The following ZNF620 variants were observed in gnomAD, a reference collection of about 807,000 sequenced individuals.
The protein encoded by ZNF620 is zinc finger protein 620.
A neutral mutation model predicts 13.3 loss-of-function variants in ZNF620; 10 were observed. That is an observed-to-expected ratio of 0.75 (90% CI 0.46 to 1.28). ZNF620 has a LOEUF of 1.28. ZNF620 is among the 50% of genes most tolerant of loss of function. ZNF620 has a pLI of 0.00. For synonymous variants in ZNF620, 166 were observed against 177.6 expected, an observed-to-expected ratio of 0.93 and a Z score of 0.52; for missense variants, 461 against 500.2, an observed-to-expected ratio of 0.92 and a Z score of 0.75.
intron 3 of ZNF620, 77 bp from the exon 4 acceptor site, chr3:40,512,325 T>TA: frequency 8.1e-7 from 1 of 1,241,048 alleles, no homozygotes; most frequent in Non-Finnish European, 1.2e-6. Flanking sequence ...GCTCAGCAGA[T>TA]AAAGATAAAG....
chr3:40,516,068 C>A lies in ZNF620; in HGVS notation c.474C>A (p.His158Gln). The change falls in exon 5 of 5, where the codon CAC (histidine) becomes CAA (glutamine). Residue 158 changes from histidine (H) to glutamine (Q), a missense_variant. His to Gln is a conservative substitution (Grantham distance 24, BLOSUM62 0). Transcript: ENST00000314529. ...RRHFTDTSARHHEAYEVKNGE... is the reference protein window; with the variant it reads ...RRHFTDTSARQHEAYEVKNGE... The stretch of plus-strand genomic sequence containing the variant: ...ATTTCACAGATACCTCAGCCAGGCA[C>A]CATGAGGCCTATGAGGTCAAGAATG... 1 of 1,614,028 alleles carries A rather than the reference C, an allele frequency of 6.2e-7. No homozygotes were observed. Among genetic ancestry groups the A allele is most frequent in the Non-Finnish European group, 8.5e-7 (1 of 1,179,996 alleles).
At chr3:40,507,584 G>T (rs1482858128) in intron 2 of ZNF620, among the ~76,000 whole-genome samples, 1 of 151,906 alleles carries the variant, frequency 6.6e-6, no homozygotes, top group East Asian at 1.9e-4. Flanking sequence ...TTCTTTTCTT[G>T]TGATGTCTTT....
chr3:40,508,877 C>A, intron 2 of ZNF620: 1 of 444,460 alleles, frequency 2.2e-6, no homozygotes, highest in South Asian at 1.6e-5. Context: ...CTCCACCTCC[C>A]AAAGTGCTGG....
intron 4 of ZNF620, among the ~76,000 whole-genome samples, chr3:40,513,603 C>G (rs1360889895): frequency 1.3e-5 from 2 of 151,530 alleles, no homozygotes. Flanking sequence ...CATACCATTG[C>G]ACTCCAGCCT....
In ZNF620 at chr3:40,517,564, GA is replaced by G; in HGVS notation, c.*705del. 6.6e-6 allele frequency: 1 copy of G among 152,206 alleles called. No homozygotes were observed. 9.4% of individuals were successfully genotyped at this position (152,206 alleles called of 1,614,324 possible). On this transcript the variant is annotated 3_prime_UTR_variant, in exon 5 of 5. Coordinates refer to ENST00000314529, the MANE Select transcript of ZNF620 (RefSeq NM_175888.4). ...CTTTGTCTCAAAAACAGTAAAAAAT[GA>G]AAATGGCATTAGATTTTTCAAGAGC...
intron 4 of ZNF620, among the ~76,000 whole-genome samples, chr3:40,513,168 T>G (rs970821376): frequency 6.6e-6 from 1 of 151,486 alleles, no homozygotes; most frequent in Admixed American, 6.6e-5. Flanking sequence ...GCTATTGATA[T>G]AAGAATTAAA....
chr3:40,508,772 C>T (rs1231700094), intron 2 of ZNF620: 1 of 456,498 alleles, frequency 2.2e-6, no homozygotes, highest in South Asian at 1.5e-5. Flanking sequence ...GTTGAGACTA[C>T]AGGTACAGAC....
chr3:40,506,457 G>C (rs1698022320), intron 2 of ZNF620, 81 bp downstream of exon 2: 1 of 1,430,000 alleles, frequency 7.0e-7, no homozygotes, highest in African/African-American at 1.4e-5. Flanking sequence ...CAGATCTTGA[G>C]TTGTGTAGGC....
At chr3:40,513,316 A>AAAAAATAT (rs1193351404) in intron 4 of ZNF620, among the ~76,000 whole-genome samples, 9 of 62,670 alleles carry the variant, frequency 1.4e-4, no homozygotes, top group African/African-American at 3.4e-4. Flanking sequence ...AAAAAAAAAA[A>AAAAAATAT]ATATATATAT....
At chr3:40,513,402 C>G (rs1466670879) in intron 4 of ZNF620, among the ~76,000 whole-genome samples, 1 of 141,382 alleles carries the variant, frequency 7.1e-6, no homozygotes, top group Non-Finnish European at 1.5e-5. Context: ...TTTGGGAGAC[C>G]GAGGTGGGTG....
At chr3:40,507,378 C>T (rs1344445122) in intron 2 of ZNF620, among the ~76,000 whole-genome samples, 1 of 152,180 alleles carries the variant, frequency 6.6e-6, no homozygotes, top group Non-Finnish European at 1.5e-5. Flanking sequence ...GCGTGAGCCA[C>T]CGTGCCCAGC....
Position 40,516,754 on chromosome 3 carries a change from C to T in ZNF620, c.1160C>T (p.Thr387Ile), listed in dbSNP as rs1213680534. 1 of 1,614,124 alleles carries T rather than the reference C, an allele frequency of 6.2e-7. No homozygotes were observed. Among genetic ancestry groups the T allele is most frequent in the Non-Finnish European group, 8.5e-7 (1 of 1,180,056 alleles). ...ITLIQHQRVHTGEKPYECKVC... is the reference protein window; with the variant it reads ...ITLIQHQRVHIGEKPYECKVC... ...CTGATTCAGCACCAGCGAGTTCACA[C>T]TGGCGAGAAACCTTATGAGTGTAAA... Residue 387 changes from threonine to isoleucine, a missense_variant, in exon 5 of 5, where the codon ACT (threonine) becomes ATT (isoleucine). Thr to Ile is a moderately conservative substitution (Grantham distance 89). Coordinates refer to ENST00000314529, the MANE Select transcript of ZNF620 (RefSeq NM_175888.4).
Position 40,506,090 on chromosome 3 carries a change from C to T in ZNF620, c.-98C>T, listed in dbSNP as rs1698006304. The T allele has an allele frequency of 3.5e-6, 2 of 572,210 alleles. No homozygotes were observed. Among genetic ancestry groups the T allele is most frequent in the South Asian group, 4.0e-5 (2 of 50,542 alleles). 35.4% of individuals were successfully genotyped at this position (572,210 alleles called of 1,614,324 possible). On this transcript the variant is annotated 5_prime_UTR_variant, in exon 1 of 5. Coordinates refer to ENST00000314529, the MANE Select transcript of ZNF620 (RefSeq NM_175888.4). ...TGGAATTTCCACGCTTTATCTGCGC[C>T]TGCGCCGCGCGGGATTCGCGGTCCG... is the stretch of plus-strand genomic sequence containing the variant.
Position 40,511,491 on chromosome 3 carries a change from G to A in ZNF620, c.46G>A (p.Val16Met). The change falls in exon 3 of 5, where the codon GTG becomes ATG. Residue 16 changes from valine (V) to methionine (M), a missense_variant. Transcript: ENST00000314529. ...TTAGGAACCAGTGACCTTTGAGGATGTGGCTGTGTACTTCACCCAGAATGA... is the reference window on the plus strand; with the variant it reads ...TTAGGAACCAGTGACCTTTGAGGATATGGCTGTGTACTTCACCCAGAATGA... The part of the protein sequence containing the change: ...WRQEPVTFED[V>M]AVYFTQNEWA... 1 of 1,613,614 alleles carries A rather than the reference G, an allele frequency of 6.2e-7. No homozygotes were observed. The highest frequency in any genetic ancestry group is 1.1e-5 in the South Asian group (1 of 91,078).
At chr3:40,506,667 T>C (rs961076642) in intron 2 of ZNF620, among the ~76,000 whole-genome samples, 17 of 152,220 alleles carry the variant, frequency 1.1e-4, no homozygotes, top group African/African-American at 4.1e-4. Flanking sequence ...GTCCGCAGGC[T>C]TGGAGAAGTA....
chr3:40,516,128 C>A lies in ZNF620; in HGVS notation c.534C>A (p.Ser178Arg), dbSNP rs202143648. ...TTGAGAAATTAGGAAAAAATATTAG[C>A]GTCAGCACACAACTCACTACAAATC... The part of the protein sequence containing the change: ...EKFEKLGKNI[S>R]VSTQLTTNQT... The change falls in exon 5 of 5, where the codon AGC (serine) becomes AGA (arginine). Residue 178 changes from serine (S) to arginine (R), a missense_variant. Ser to Arg is a moderately radical substitution (Grantham distance 110, BLOSUM62 -1). Coordinates refer to ENST00000314529, the MANE Select transcript of ZNF620 (RefSeq NM_175888.4). The A allele has an allele frequency of 1.2e-6, 2 of 1,613,924 alleles. No individual in the cohort carries two copies. The highest frequency in any genetic ancestry group is 2.7e-5 in the African/African-American group (2 of 74,908).
chr3:40,515,039 G>A (rs1364668850), intron 4 of ZNF620, among the ~76,000 whole-genome samples: 1 of 152,208 alleles, frequency 6.6e-6, no homozygotes, highest in Non-Finnish European at 1.5e-5. Flanking sequence ...TGATAGTGGA[G>A]GGAATATTTC....
chr3:40,513,280 C>G (rs1204098698), intron 4 of ZNF620, among the ~76,000 whole-genome samples: 1 of 130,410 alleles, frequency 7.7e-6, no homozygotes, highest in Non-Finnish European at 1.6e-5. Context: ...GCTTGGCCAA[C>G]ATGACGAAAC....
intron 2 of ZNF620, among the ~76,000 whole-genome samples, chr3:40,509,753 C>A (rs565181538): frequency 6.6e-6 from 1 of 152,288 alleles, no homozygotes; most frequent in East Asian, 1.9e-4. Flanking sequence ...TAAACTCAAG[C>A]TGCCTTGGTC....
Sources: allele counts gnomAD v4.1 joint callset (sites outside exome capture counted in the v4.1 genomes callset), GRCh38; gene constraint gnomAD v4.1.1; transcripts MANE v1.5; gene names NCBI Gene and HGNC (gene_info 2026-07-23, HGNC 2026-07-21).